The following ANXA7 variants were observed in gnomAD, a reference collection of about 807,000 sequenced individuals.
ANXA7 encodes the protein annexin A7.
In ANXA7, 55 loss-of-function variants were observed where a neutral mutation model predicts 64.9. The ratio of observed to expected loss-of-function variants is 0.85; its 90% CI spans 0.68 to 1.06. ANXA7 has a LOEUF of 1.06. ANXA7 is among the 50% of genes least tolerant of loss of function. ANXA7 has a pLI of 0.00. For synonymous variants in ANXA7, 200 were observed against 192.4 expected, an observed-to-expected ratio of 1.04 and a Z score of -0.33; for missense variants, 548 against 582.1, an observed-to-expected ratio of 0.94 and a Z score of 0.60.
rs939161377 is a variant in ANXA7, at chr10:73,375,748, T to C, written c.*347A>G. ...CCGGAAGGCAGAGCTTTCAGTAACC[T>C]TCTAAAAAATTATTCAATATTATTA... On this transcript the variant is annotated 3_prime_UTR_variant, in exon 13 of 13. Coordinates refer to ENST00000372921, the MANE Select transcript of ANXA7 (RefSeq NM_001156.5). 2.5e-5 allele frequency: 4 copies of C among 159,710 alleles called. No individual in the cohort carries two copies. The highest frequency in any genetic ancestry group is 9.6e-5 in the African/African-American group (4 of 41,740). The allele number at this position is 159,710 out of a possible 1,614,324, so 9.9% of individuals were successfully genotyped here. A position where few individuals can be genotyped will look rare whatever the true frequency, so the allele number is the denominator to read the frequency against.
intron 7 of ANXA7, among the ~76,000 whole-genome samples, chr10:73,386,966 C>A (rs766002732): frequency 6.6e-6 from 1 of 152,110 alleles, no homozygotes; most frequent in African/African-American, 2.4e-5. Context: ...TAAGCCACCA[C>A]GCTCAGTCCA....
chr10:73,403,542 G>A (rs1554818456), intron 1 of ANXA7, among the ~76,000 whole-genome samples: 3 of 152,106 alleles, frequency 2.0e-5, no homozygotes, highest in Non-Finnish European at 1.5e-5. Context: ...TCAGTGTGTG[G>A]ATGTATCATG....
intron 2 of ANXA7, among the ~76,000 whole-genome samples, chr10:73,399,721 T>G (rs2055629981): frequency 6.6e-6 from 1 of 152,136 alleles, no homozygotes; most frequent in Admixed American, 6.6e-5. Context: ...CTCAGGAGGC[T>G]GAGGCAGGAG....
chr10:73,381,152 C>T (rs575065181), intron 9 of ANXA7, among the ~76,000 whole-genome samples: 1 of 152,246 alleles, frequency 6.6e-6, no homozygotes, highest in South Asian at 2.1e-4. Context: ...GATCCTCCTA[C>T]CTCAGCCTCC....
At position 73,376,181 on chromosome 10, in the gene ANXA7, T is replaced by G; in HGVS notation, c.1315A>C (p.Met439Leu). The G allele has an allele frequency of 6.2e-7, 1 of 1,601,410 alleles. No individual in the cohort carries two copies. The highest frequency in any genetic ancestry group is 1.1e-5 in the South Asian group (1 of 87,308). The change falls in exon 13 of 13, where the codon ATG (methionine) becomes CTG (leucine). Residue 439 changes from methionine to leucine, a missense_variant. Met to Leu is a conservative substitution (Grantham distance 15, BLOSUM62 2). Transcript: ENST00000372921. The stretch of plus-strand genomic sequence containing the variant: ...ATTGTGCCCAGAGTCTTCTGATACA[T>G]CTGAGCGAACATCTGTTTTATTTGT... ...LVQIKQMFAQMYQKTLGTMIA... is the reference protein window; with the variant it reads ...LVQIKQMFAQLYQKTLGTMIA...
intron 1 of ANXA7, among the ~76,000 whole-genome samples, chr10:73,410,810 CAA>C: frequency 7.2e-6 from 1 of 139,650 alleles, no homozygotes; most frequent in South Asian, 2.3e-4. Flanking sequence ...AGTCAAAAAA[CAA>C]TAGATGTTGG....
rs371572648 is a variant in ANXA7 at position 73,396,096 on chromosome 10, G to C, written c.435+423C>G. On this transcript the variant is annotated intron_variant, in intron 5 of 12. Coordinates refer to ENST00000372921, the MANE Select transcript of ANXA7 (RefSeq NM_001156.5). ...AGAGAAAACAGGATAGGAAGAAAAA[G>C]AATCTGTATTGATCTGAAAAAAGAG... The C allele has an allele frequency of 8.8e-6, 14 of 1,593,894 alleles. No individual in the cohort carries two copies. In the African/African-American group the frequency reaches 1.6e-4, roughly 18 times the overall value.
chr10:73,383,671 T>G lies in ANXA7; in HGVS notation c.653A>C (p.Lys218Thr). The G allele has an allele frequency of 6.2e-7, 1 of 1,610,424 alleles. No homozygotes were observed. Among genetic ancestry groups the G allele is most frequent in the Non-Finnish European group, 8.5e-7 (1 of 1,176,840 alleles). Reference protein sequence around the residue: ...SYGKDLIKDLKSELSGNMEEL... With the variant: ...SYGKDLIKDLTSELSGNMEEL... ...TTCCATATTTCCACTTAACTCTGAT[T>G]TGAGATCTTTGATTAAATCCTATTT... The change falls in exon 8 of 13, where the codon AAA (lysine) becomes ACA (threonine). Residue 218 changes from lysine (K) to threonine (T), a missense_variant. By Grantham distance (78) the Lys-to-Thr change is moderately conservative. Coordinates refer to ENST00000372921, the MANE Select transcript of ANXA7 (RefSeq NM_001156.5).
Position 73,387,745 on chromosome 10 carries a change from G to T in ANXA7, c.577C>A (p.Arg193Ser). 6.2e-7 allele frequency: 1 copy of T among 1,613,794 alleles called. No homozygotes were observed. Among genetic ancestry groups the T allele is most frequent in the Non-Finnish European group, 8.5e-7 (1 of 1,179,990 alleles). ...EQAIVDVVAN[R>S]SNDQRQKIKA... ...ATTTTTTGCCTCTGATCATTGGAACGGTTGGCCACCACATCCACAATTGCC... is the reference window on the plus strand; with the variant it reads ...ATTTTTTGCCTCTGATCATTGGAACTGTTGGCCACCACATCCACAATTGCC... The change falls in exon 7 of 13, where the codon CGT (arginine) becomes AGT (serine). Residue 193 changes from arginine (R) to serine (S), a missense_variant. By Grantham distance (110) the Arg-to-Ser change is moderately radical (BLOSUM62 -1). Transcript: ENST00000372921.
At chr10:73,384,489 C>A (rs1042713844) in intron 7 of ANXA7, among the ~76,000 whole-genome samples, 2 of 150,712 alleles carry the variant, frequency 1.3e-5, no homozygotes, top group African/African-American at 4.9e-5. Flanking sequence ...GCAACCTCTG[C>A]CTCCTGGGTT....
chr10:73,399,244 A>G (rs1476776719), intron 2 of ANXA7, among the ~76,000 whole-genome samples: 1 of 152,226 alleles, frequency 6.6e-6, no homozygotes. Flanking sequence ...ACTGACGTCC[A>G]GGAAACTGAA....
intron 5 of ANXA7, among the ~76,000 whole-genome samples, chr10:73,389,441 T>G (rs1403735020): frequency 6.6e-6 from 1 of 152,208 alleles, no homozygotes; most frequent in Non-Finnish European, 1.5e-5. Flanking sequence ...GTAACAGTAC[T>G]ATATCGATGT....
rs1383288345 is a variant in ANXA7 at position 73,387,801 on chromosome 10, G to C, written c.539-18C>G. On this transcript the variant is annotated intron_variant, in intron 6 of 12. Transcript: ENST00000372921. ...ATCTGTCCCTGGAAGAACCACACAT[G>C]TTTAAGTAAGGACAAAGTACATGCT... 6.8e-7 allele frequency: 1 copy of C among 1,476,770 alleles called. No individual in the cohort carries two copies. 91.5% of individuals were successfully genotyped at this position (1,476,770 alleles called of 1,614,324 possible). A position where few individuals can be genotyped will look rare whatever the true frequency, so the allele number is the denominator to read the frequency against.
At chr10:73,376,992 T>C (rs939378940) in intron 12 of ANXA7, among the ~76,000 whole-genome samples, 1 of 152,206 alleles carries the variant, frequency 6.6e-6, no homozygotes, top group Non-Finnish European at 1.5e-5. Context: ...ACATGGTTTG[T>C]TGCCAGCAGT....
At chr10:73,390,693 A>AATATATATAT (rs142703167) in intron 5 of ANXA7, among the ~76,000 whole-genome samples, 50 of 127,460 alleles carry the variant, frequency 3.9e-4, no homozygotes, top group South Asian at 1.4e-3. Flanking sequence ...TCTTTTGTAA[A>AATATATATAT]ATATATATAT....
At chr10:73,378,884 C>T (rs188379617) in intron 12 of ANXA7, 27 bp downstream of exon 12, 5 of 1,545,896 alleles carry the variant, frequency 3.2e-6, no homozygotes, top group Admixed American at 1.7e-5. Context: ...AAGTAAGACC[C>T]GACAAAAAGA....
At chr10:73,389,068 C>T (rs1287817406) in intron 5 of ANXA7, among the ~76,000 whole-genome samples, 1 of 152,154 alleles carries the variant, frequency 6.6e-6, no homozygotes, top group African/African-American at 2.4e-5. Flanking sequence ...CAGGCACCAA[C>T]TTAAATGATC....
At chr10:73,388,119 C>T (rs2055408293) in intron 6 of ANXA7, among the ~76,000 whole-genome samples, 193 bp downstream of exon 6, 1 of 152,006 alleles carries the variant, frequency 6.6e-6, no homozygotes, top group Admixed American at 6.6e-5. Flanking sequence ...AGTGCTGGGA[C>T]TACAGGTGTA....
chr10:73,391,370 G>C (rs1280257079), intron 5 of ANXA7, among the ~76,000 whole-genome samples: 1 of 152,054 alleles, frequency 6.6e-6, no homozygotes, highest in Non-Finnish European at 1.5e-5. Context: ...CAGCATTTTG[G>C]GAGGCTGAGG....
Sources: allele counts gnomAD v4.1 joint callset (sites outside exome capture counted in the v4.1 genomes callset), GRCh38; gene constraint gnomAD v4.1.1; transcripts MANE v1.5; gene names NCBI Gene and HGNC (gene_info 2026-07-23, HGNC 2026-07-21).